The following KAT2B variants were observed in gnomAD, a reference collection of about 807,000 sequenced individuals.
KAT2B encodes lysine acetyltransferase 2B, also known as histone acetyltransferase KAT2B.
In KAT2B, 36 loss-of-function variants were observed where a neutral mutation model predicts 105.9. That is an observed-to-expected ratio of 0.34 (90% confidence interval 0.26 to 0.45). The LOEUF (loss-of-function observed/expected upper bound fraction) is 0.45, where lower values mean the gene tolerates loss of function less well. KAT2B is among the 20% of genes least tolerant of loss of function. The pLI, the probability that KAT2B is intolerant of heterozygous loss-of-function variation, is 1.00. For missense variants in KAT2B, 820 were observed against 1,021.6 expected (o/e 0.80, Z 2.69); for synonymous variants, 397 against 377.9 (o/e 1.05, Z -0.59).
In KAT2B at chr3:20,040,584, C is replaced by T; in HGVS notation, c.107C>T (p.Pro36Leu). 3 of 1,173,736 alleles carry T rather than the reference C, an allele frequency of 2.6e-6. No individual in the cohort carries two copies. The highest frequency in any genetic ancestry group is 3.2e-6 in the Non-Finnish European group (3 of 950,212). The allele number at this position is 1,173,736 out of a possible 1,614,324, so 72.7% of individuals were successfully genotyped here. ...PPQPAALPPA[P>L]PQGSPCAAAA... ...CAGCCTGCGGCGCTTCCGCCCGCGC[C>T]CCCGCAGGGCTCCCCCTGCGCCGCT... The change falls in exon 1 of 18, where the codon CCC becomes CTC. Residue 36 changes from proline (P) to leucine (L), a missense_variant. Transcript: ENST00000263754.
In KAT2B at chr3:20,098,865, A is replaced by G. The variant is rs114927853; in HGVS notation, c.577-997A>G. On this transcript the variant is annotated intron_variant, in intron 3 of 17. Coordinates refer to ENST00000263754, the MANE Select transcript of KAT2B (RefSeq NM_003884.5). ...TGGAAGGAGTTGAGGTCCTTGTAAGACACAGTTCAGTGGTGAGACATGGTC... is the reference window on the plus strand; with the variant it reads ...TGGAAGGAGTTGAGGTCCTTGTAAGGCACAGTTCAGTGGTGAGACATGGTC... Among the ~76,000 whole-genome samples, 580 of 152,222 alleles carry G rather than the reference A, an allele frequency of 3.8e-3. 5 individuals carry two copies. The highest frequency in any genetic ancestry group is 0.013 in the African/African-American group (550 of 41,542).
At chr3:20,045,317 CTATTTATTTATTTATT>C (rs10538060) in intron 1 of KAT2B, among the ~76,000 whole-genome samples, 2,601 of 138,042 alleles carry the variant, frequency 0.019, 82 homozygotes, top group African/African-American at 0.06. Flanking sequence ...TGCACCTGGC[CTATTTATTTATTTATT>C]TATTTATTTA....
intron 2 of KAT2B, among the ~76,000 whole-genome samples, chr3:20,086,628 G>A (rs1344003541): frequency 6.6e-6 from 1 of 152,080 alleles, no homozygotes; most frequent in African/African-American, 2.4e-5. Context: ...CAAAAATGCT[G>A]TATTGGGGTG....
At chr3:20,041,427 T>C (rs2125159913) in intron 1 of KAT2B, among the ~76,000 whole-genome samples, 1 of 152,338 alleles carries the variant, frequency 6.6e-6, no homozygotes, top group East Asian at 1.9e-4. Flanking sequence ...GTTAAAACGC[T>C]GTCCCAGCTG....
intron 1 of KAT2B, among the ~76,000 whole-genome samples, chr3:20,045,229 G>T (rs1697788195): frequency 1.3e-5 from 2 of 151,994 alleles, no homozygotes; most frequent in Non-Finnish European, 2.9e-5. Context: ...TGTTTGCCAG[G>T]CTGGTTTCCA....
At chr3:20,126,222 G>C in intron 10 of KAT2B, 109 bp downstream of exon 10, 2 of 855,128 alleles carry the variant, frequency 2.3e-6, no homozygotes, top group Non-Finnish European at 3.7e-6. Context: ...TACTGCACCT[G>C]TCTTGCTGTG....
At chr3:20,072,532 G>C (rs893393894) in intron 2 of KAT2B, 73 bp downstream of exon 2, 1 of 1,458,598 alleles carries the variant, frequency 6.9e-7, no homozygotes, top group East Asian at 2.3e-5. Context: ...ACTGAATTCT[G>C]TGGGTTCACC....
rs1559336545 is a variant in KAT2B at position 20,153,748 on chromosome 3, C to G, written c.*1223C>G. On this transcript the variant is annotated 3_prime_UTR_variant, in exon 18 of 18. Coordinates refer to ENST00000263754, the MANE Select transcript of KAT2B (RefSeq NM_003884.5). The stretch of plus-strand genomic sequence containing the variant: ...ATACAACCATATAAATGAAGGCCAT[C>G]TTGATGGTCTCAACACTAATTTTTA... 1 of 152,568 alleles carries G rather than the reference C, an allele frequency of 6.6e-6. No homozygotes were observed. The highest frequency in any genetic ancestry group is 1.5e-5 in the Non-Finnish European group (1 of 68,008). The allele number at this position is 152,568 out of a possible 1,614,324, so 9.5% of individuals were successfully genotyped here.
intron 8 of KAT2B, among the ~76,000 whole-genome samples, chr3:20,119,996 G>T (rs1053921886): frequency 1.3e-5 from 2 of 152,162 alleles, no homozygotes; most frequent in Admixed American, 1.3e-4. Flanking sequence ...GCTGGGCTTG[G>T]TTGCAAGTTA....
At chr3:20,096,973 AAG>A (rs1477621901) in intron 3 of KAT2B, among the ~76,000 whole-genome samples, 3 of 139,090 alleles carry the variant, frequency 2.2e-5, no homozygotes, top group Non-Finnish European at 4.7e-5. Context: ...GAGAGAGAGA[AAG>A]AGAGTGGGGG....
Position 20,125,897 on chromosome 3 carries a change from C to A in KAT2B, c.1414-8C>A. 1.2e-6 allele frequency: 2 copies of A among 1,612,434 alleles called. No homozygotes were observed. On this transcript the variant is annotated splice_polypyrimidine_tract_variant and splice_region_variant and intron_variant, in intron 9 of 17. Transcript: ENST00000263754. The stretch of plus-strand genomic sequence containing the variant: ...CTGTGTAATTTTTTCCTGTCTCTTG[C>A]ATCTCAGACCAATTTTCTGTCAGCA...
chr3:20,117,085 T>A (rs1281752929), intron 7 of KAT2B, among the ~76,000 whole-genome samples: 1 of 150,542 alleles, frequency 6.6e-6, no homozygotes, highest in Admixed American at 6.7e-5. Flanking sequence ...GGAGAGGATT[T>A]CTGTGTGTGA....
chr3:20,059,700 A>G (rs9836418), intron 1 of KAT2B, among the ~76,000 whole-genome samples: 27,414 of 152,176 alleles, frequency 0.18, 2,603 homozygotes, highest in Middle Eastern at 0.23. Context: ...GCGAGACTCC[A>G]TCTCAAAACA....
rs549818791 is a variant in KAT2B, at chr3:20,086,515, C to T, written c.431-8748C>T. Among the ~76,000 whole-genome samples, 207 of 152,070 alleles carry T rather than the reference C, an allele frequency of 1.4e-3. 2 individuals carry two copies. The highest frequency in any genetic ancestry group is 6.8e-3 in the Middle Eastern group (2 of 294). On this transcript the variant is annotated intron_variant, in intron 2 of 17. Transcript: ENST00000263754. Reference sequence around the variant, plus strand: ...ACTTGGAAGGCTGAGGTCAGAGGATCGCTTAAGCTCAGGAGGTCAAGGCTG... The same window carrying T: ...ACTTGGAAGGCTGAGGTCAGAGGATTGCTTAAGCTCAGGAGGTCAAGGCTG...
chr3:20,120,449 A>T (rs189387027), intron 8 of KAT2B, among the ~76,000 whole-genome samples: 1 of 152,022 alleles, frequency 6.6e-6, no homozygotes, highest in East Asian at 1.9e-4. Flanking sequence ...GCTGGTCTCA[A>T]ACTCCTGACC....
At chr3:20,103,151 A>G (rs1698938038) in intron 5 of KAT2B, among the ~76,000 whole-genome samples, 2 of 152,198 alleles carry the variant, frequency 1.3e-5, no homozygotes, top group African/African-American at 2.4e-5. Context: ...AGGATTTTAC[A>G]TTAACAATAG....
At chr3:20,129,217 A>G (rs774921997) in intron 11 of KAT2B, among the ~76,000 whole-genome samples, 1 of 152,104 alleles carries the variant, frequency 6.6e-6, no homozygotes, top group South Asian at 2.1e-4. Flanking sequence ...TAGTAGTTAT[A>G]TGTATATATT....
At chr3:20,123,079 A>G (rs1036516403) in intron 9 of KAT2B, 2 of 410,238 alleles carry the variant, frequency 4.9e-6, no homozygotes, top group Non-Finnish European at 6.6e-6. Flanking sequence ...AAGCCCTCAT[A>G]AATGTTGCAG....
intron 5 of KAT2B, among the ~76,000 whole-genome samples, chr3:20,105,105 C>T (rs761838031): frequency 5.3e-5 from 8 of 152,138 alleles, no homozygotes; most frequent in East Asian, 1.9e-4. Context: ...AGGCTAGTCT[C>T]GAACTCCTGA....
Sources: gnomAD v4.1 joint callset for allele counts (sites outside exome capture counted in the v4.1 genomes callset) on GRCh38, gnomAD v4.1.1 for gene constraint, MANE v1.5 for transcripts, NCBI Gene and HGNC (gene_info 2026-07-23, HGNC 2026-07-21) for gene names.